ZBTB48: variants seen among roughly 807,000 people sequenced by gnomAD.
ZBTB48 encodes zinc finger and BTB domain containing 48, also known as zinc finger and BTB domain-containing protein 48.
ZBTB48 carries 35 observed loss-of-function variants against 64.5 expected under a neutral mutation model. The observed-to-expected ratio is 0.54, with a 90% CI of 0.41 to 0.72. The LOEUF is 0.72. Among genes scored for constraint, ZBTB48 ranks in the 30% least tolerant of loss-of-function variants. ZBTB48 has a pLI of 0.00. For missense variants in ZBTB48, 828 were observed against 895.3 expected (o/e 0.92, Z 0.96); for synonymous variants, 442 against 356.7 (o/e 1.24, Z -2.70).
chr1:6,588,669 C>G lies in ZBTB48; in HGVS notation c.1682-87C>G. On this transcript the variant is annotated intron_variant, in intron 9 of 10. Coordinates refer to ENST00000377674, the MANE Select transcript of ZBTB48 (RefSeq NM_005341.4). Reference sequence around the variant, plus strand: ...CACTTGTAAACCACTGGTCCCCTCCCTTGCTGCCTGTCCCAACCTCCTGCT... The same window carrying G: ...CACTTGTAAACCACTGGTCCCCTCCGTTGCTGCCTGTCCCAACCTCCTGCT... 3 of 1,580,702 alleles carry G rather than the reference C, an allele frequency of 1.9e-6. No homozygotes were observed. In the Admixed American group the frequency reaches 5.3e-5, roughly 28 times the overall value.
intron 3 of ZBTB48, among the ~76,000 whole-genome samples, chr1:6,583,810 C>T (rs1211776613): frequency 6.8e-6 from 1 of 146,692 alleles, no homozygotes; most frequent in African/African-American, 2.5e-5. Context: ...ATGGAGTCTC[C>T]CCTCTGTCGC....
In ZBTB48 at chr1:6,581,403, T is replaced by C. The variant is rs569776529; in HGVS notation, c.690+104T>C. On this transcript the variant is annotated intron_variant, in intron 2 of 10. Coordinates refer to ENST00000377674, the MANE Select transcript of ZBTB48 (RefSeq NM_005341.4). ...CTGGGTGTGATGGCTCACTCACGCCTGTAATCCTAGCACTTTGGGAGGCCA... is the reference window on the plus strand; with the variant it reads ...CTGGGTGTGATGGCTCACTCACGCCCGTAATCCTAGCACTTTGGGAGGCCA... 1.8e-4 allele frequency: 234 copies of C among 1,300,110 alleles called. 3 individuals are homozygous for C. In the South Asian group the frequency reaches 3.5e-3, roughly 20 times the overall value. 80.5% of individuals were successfully genotyped at this position (1,300,110 alleles called of 1,614,324 possible). A position where few individuals can be genotyped will look rare whatever the true frequency, so the allele number is the denominator to read the frequency against.
At chr1:6,586,369 C>G (rs1640667184) in intron 4 of ZBTB48, 1 of 502,156 alleles carries the variant, frequency 2.0e-6, no homozygotes, top group Non-Finnish European at 3.5e-6. Flanking sequence ...AACCCCACTG[C>G]TGGCTTCTGT....
intron 7 of ZBTB48, 45 bp from the exon 8 acceptor site, chr1:6,588,015 A>C (rs1293011908): frequency 2.5e-6 from 4 of 1,610,546 alleles, no homozygotes; most frequent in Non-Finnish European, 3.4e-6. Flanking sequence ...CAAGGGGGTC[A>C]CTTCCCTTGG....
Position 6,581,750 on chromosome 1 carries a change from C to T in ZBTB48, c.691-308C>T, listed in dbSNP as rs991104404. Among the ~76,000 whole-genome samples, 3 of 152,258 alleles carry T rather than the reference C, an allele frequency of 2.0e-5. No individual in the cohort carries two copies. The South Asian group carries it at 6.2e-4, about 32-fold the overall frequency. On this transcript the variant is annotated intron_variant, in intron 2 of 10. Transcript: ENST00000377674. ...GCTTTCTCCAAAGGAAGCTGGTGAC[C>T]TCAGGCTGACCTTTCTGCAAGCCCC...
chr1:6,580,883 C>A lies in ZBTB48; in HGVS notation c.274C>A (p.Arg92=). 1 of 1,614,118 alleles carries A rather than the reference C, an allele frequency of 6.2e-7. No homozygotes were observed. The highest frequency in any genetic ancestry group is 8.5e-7 in the Non-Finnish European group (1 of 1,180,048). The stretch of plus-strand genomic sequence containing the variant: ...TCACCTCGCTCTCACCTCAGGGAAC[C>A]GGGATCAGGTGCTCCTGGCAGCCAG... ...TGHLALTSGN[R]DQVLLAAREL... Residue 92 remains arginine, a synonymous_variant, in exon 2 of 11, where the codon CGG becomes AGG. Coordinates refer to ENST00000377674, the MANE Select transcript of ZBTB48 (RefSeq NM_005341.4). The surrounding 1 kb of genome is among the most constrained non-coding windows in gnomAD (Gnocchi z 5.2).
In ZBTB48 at chr1:6,588,117, T is replaced by C. The variant is rs772332920; in HGVS notation, c.1437T>C (p.Asn479=). 1 of 1,614,112 alleles carries C rather than the reference T, an allele frequency of 6.2e-7. No homozygotes were observed. The highest frequency in any genetic ancestry group is 2.2e-5 in the East Asian group (1 of 44,884). ...FCSHAFTQKA[N]LNMHLRTHTG... ...GCCACGCCTTCACCCAAAAGGCCAA[T>C]CTCAACATGCACCTGCGCACACACA... The change falls in exon 8 of 11, where the codon AAT becomes AAC. Residue 479 remains asparagine (N), a synonymous_variant. Coordinates refer to ENST00000377674, the MANE Select transcript of ZBTB48 (RefSeq NM_005341.4).
Position 6,581,174 on chromosome 1 carries a change from C to G in ZBTB48, c.565C>G (p.Leu189Val). 6.2e-7 allele frequency: 1 copy of G among 1,613,516 alleles called. No homozygotes were observed. Among genetic ancestry groups the G allele is most frequent in the South Asian group, 1.1e-5 (1 of 91,078 alleles). Residue 189 changes from leucine to valine, a missense_variant, in exon 2 of 11, where the codon CTC becomes GTC. Physicochemically the swap from Leu to Val is conservative, Grantham distance 32 (BLOSUM62 1). Coordinates refer to ENST00000377674, the MANE Select transcript of ZBTB48 (RefSeq NM_005341.4). ...AGCTCAGAGTGAGGGCCCCTCCTCC[C>G]TCTGTGGGAAACTGAAGCAGGCCTT... ...SPAQSEGPSSLCGKLKQALKP... is the reference protein window; with the variant it reads ...SPAQSEGPSSVCGKLKQALKP...
In ZBTB48 at chr1:6,587,306, G is replaced by A. The variant is rs1640707412; in HGVS notation, c.1224+15G>A. ...AGCCCCATGCAGTAAGTGACAGGGA[G>A]GGCTGGGCATGCTTTGATGCTGGCA... On this transcript the variant is annotated intron_variant, in intron 6 of 10. Coordinates refer to ENST00000377674, the MANE Select transcript of ZBTB48 (RefSeq NM_005341.4). 1 of 1,614,056 alleles carries A rather than the reference G, an allele frequency of 6.2e-7. No individual in the cohort carries two copies. Among genetic ancestry groups the A allele is most frequent in the African/African-American group, 1.3e-5 (1 of 75,044 alleles).
chr1:6,580,191 T>TCCGCTCGG lies in ZBTB48; in HGVS notation c.-70+64_-70+71dup. The TCCGCTCGG allele has an allele frequency of 5.1e-6, 1 of 195,560 alleles. No homozygotes were observed. Among genetic ancestry groups the TCCGCTCGG allele is most frequent in the South Asian group, 8.7e-5 (1 of 11,528 alleles). The allele number at this position is 195,560 out of a possible 1,614,324, so 12.1% of individuals were successfully genotyped here. ...GGGCTGCGGGCCGCCGTGGCTGCCT[T>TCCGCTCGG]CCGCTCGGCCGCTCGGGACCTGTGG... On this transcript the variant is annotated intron_variant, in intron 1 of 10. Transcript: ENST00000377674. The surrounding 1 kb of genome is among the most constrained non-coding windows in gnomAD (Gnocchi z 5.2).
intron 9 of ZBTB48, 45 bp downstream of exon 9, chr1:6,588,487 T>TG: frequency 6.8e-7 from 1 of 1,469,450 alleles, no homozygotes. Flanking sequence ...TCATCCGAGT[T>TG]GGAGGGTCTC....
intron 2 of ZBTB48, 63 bp from the exon 3 acceptor site, chr1:6,581,995 C>T: frequency 6.3e-7 from 1 of 1,594,238 alleles, no homozygotes. Context: ...GGAGCTGGGT[C>T]CCTACAACTC....
chr1:6,587,723 C>T (rs1419257693), intron 7 of ZBTB48, 91 bp downstream of exon 7: 4 of 1,547,754 alleles, frequency 2.6e-6, no homozygotes, highest in Non-Finnish European at 8.7e-7. Context: ...GACTTTTACA[C>T]AGATGAGTGT....
intron 8 of ZBTB48, 38 bp downstream of exon 8, chr1:6,588,234 C>T (rs1328908853): frequency 1.2e-6 from 2 of 1,612,852 alleles, no homozygotes; most frequent in South Asian, 2.2e-5. Flanking sequence ...CCTCCCCATC[C>T]TGAGGCCAAG....
At chr1:6,588,888 A>G (rs1357837865) in intron 10 of ZBTB48, 28 bp from the exon 11 acceptor site, 3 of 1,613,792 alleles carry the variant, frequency 1.9e-6, no homozygotes, top group Non-Finnish European at 2.5e-6. Context: ...AGGATCCCCC[A>G]AAGTTCTGAG....
At chr1:6,586,100 A>G (rs1640656641) in intron 4 of ZBTB48, 70 bp downstream of exon 4, 4 of 1,503,794 alleles carry the variant, frequency 2.7e-6, no homozygotes, top group African/African-American at 2.8e-5. Flanking sequence ...GCCATCCGGG[A>G]AGGGCCCCAG....
At chr1:6,588,716 G>A (rs769037500) in intron 9 of ZBTB48, 40 bp from the exon 10 acceptor site, 1 of 1,613,342 alleles carries the variant, frequency 6.2e-7, no homozygotes, top group South Asian at 1.1e-5. Context: ...AGGGTCCCGG[G>A]GCTCCTGCAT....
chr1:6,585,919 G>A lies in ZBTB48; in HGVS notation c.933G>A (p.Arg311=), dbSNP rs1261329833. The change falls in exon 4 of 11, where the codon AGG becomes AGA. Residue 311 remains arginine, a splice_region_variant and synonymous_variant. Coordinates refer to ENST00000377674, the MANE Select transcript of ZBTB48 (RefSeq NM_005341.4). ...LSKYYLKVHN[R]KHTGEKPFEC... ...CCACCCCTGTGGCTTCTCCTGGCAG[G>A]AAACATACTGGGGAGAAACCCTTTG... 23 of 1,614,034 alleles carry A rather than the reference G, an allele frequency of 1.4e-5. No individual in the cohort carries two copies. Among genetic ancestry groups the A allele is most frequent in the Non-Finnish European group, 1.9e-5 (22 of 1,179,954 alleles).
Position 6,580,469 on chromosome 1 carries a change from C to G in ZBTB48, c.-69-72C>G. The G allele has an allele frequency of 1.1e-6, 1 of 899,366 alleles. No homozygotes were observed. The highest frequency in any genetic ancestry group is 1.7e-6 in the Non-Finnish European group (1 of 603,672). 55.7% of individuals were successfully genotyped at this position (899,366 alleles called of 1,614,324 possible). On this transcript the variant is annotated intron_variant, in intron 1 of 10. Coordinates refer to ENST00000377674, the MANE Select transcript of ZBTB48 (RefSeq NM_005341.4). This position sits in a 1 kb window ranked among gnomAD's most constrained non-coding sequence, Gnocchi z 5.2. ...CTCCGCGTGCACCCCTCACCCTGACCCAAGCCCTCGTGCTGATAAATATGA... is the reference window on the plus strand; with the variant it reads ...CTCCGCGTGCACCCCTCACCCTGACGCAAGCCCTCGTGCTGATAAATATGA...
Sources: allele counts gnomAD v4.1 joint callset (sites outside exome capture counted in the v4.1 genomes callset), GRCh38; gene constraint gnomAD v4.1.1; non-coding constraint Gnocchi (gnomAD v3.1); transcripts MANE v1.5; gene names NCBI Gene and HGNC (gene_info 2026-07-23, HGNC 2026-07-21).